The following ACMSD variants were observed in gnomAD, a reference collection of about 807,000 sequenced individuals.
ACMSD encodes aminocarboxymuconate semialdehyde decarboxylase, also known as 2-amino-3-carboxymuconate-6-semialdehyde decarboxylase.
In ACMSD, 37 loss-of-function variants were observed where a neutral mutation model predicts 45.9. The ratio of observed to expected loss-of-function variants is 0.81; its 90% CI spans 0.62 to 1.06. ACMSD has a LOEUF of 1.06. Among genes scored for constraint, ACMSD ranks in the 50% least tolerant of loss-of-function variants. ACMSD has a pLI of 0.00. For missense variants in ACMSD, 434 were observed against 420.9 expected (o/e 1.03, Z -0.27); for synonymous variants, 138 against 148.8 (o/e 0.93, Z 0.53).
rs559158918 is a variant in ACMSD at position 134,889,069 on chromosome 2, T to C, written c.850-9272T>C. Among the ~76,000 whole-genome samples the C allele has an allele frequency of 1.1e-4, 16 of 152,292 alleles. No individual in the cohort carries two copies. The South Asian group carries it at 3.3e-3, about 32-fold the overall frequency. ...TTTTGCAGTGGTGTGGGTTAACAATTCTGAAAATACTTCATGTGCATTCTA... is the reference window on the plus strand; with the variant it reads ...TTTTGCAGTGGTGTGGGTTAACAATCCTGAAAATACTTCATGTGCATTCTA... On this transcript the variant is annotated intron_variant, in intron 8 of 9. Coordinates refer to ENST00000356140, the MANE Select transcript of ACMSD (RefSeq NM_138326.3).
intron 8 of ACMSD, among the ~76,000 whole-genome samples, chr2:134,894,784 G>A (rs886740871): frequency 5.3e-5 from 8 of 152,112 alleles, no homozygotes; most frequent in South Asian, 4.1e-4. Flanking sequence ...GATTGGAAGA[G>A]AAGGAAAAAA....
chr2:134,885,303 T>TAGATG (rs1559064787), intron 8 of ACMSD, among the ~76,000 whole-genome samples: 1 of 102,610 alleles, frequency 9.7e-6, no homozygotes, highest in South Asian at 2.4e-4. Flanking sequence ...ATATATATAT[T>TAGATG]TAAATATATA....
chr2:134,854,608 T>G (rs576297036), intron 2 of ACMSD, among the ~76,000 whole-genome samples: 1 of 152,338 alleles, frequency 6.6e-6, no homozygotes, highest in African/African-American at 2.4e-5. Flanking sequence ...CACTTCCAGG[T>G]CAAAGTTATA....
chr2:134,895,316 A>AAAATATATATGTTACATATATAATAT (rs1559071275), intron 8 of ACMSD, among the ~76,000 whole-genome samples: 5 of 49,208 alleles, frequency 1.0e-4, no homozygotes, highest in African/African-American at 4.4e-4. Context: ...AAAGAAAAAA[A>AAAATATATATGTTACATATATAATAT]ATATATATAT....
At chr2:134,864,310 A>G (rs1453745797) in intron 5 of ACMSD, among the ~76,000 whole-genome samples, 1 of 151,992 alleles carries the variant, frequency 6.6e-6, no homozygotes, top group African/African-American at 2.4e-5. Context: ...AATACTAAAC[A>G]TTTTTCAAAA....
chr2:134,888,178 A>G (rs1370114639), intron 8 of ACMSD, among the ~76,000 whole-genome samples: 1 of 152,232 alleles, frequency 6.6e-6, no homozygotes, highest in East Asian at 1.9e-4. Flanking sequence ...CTCATGATGA[A>G]AAGTCCAACA....
chr2:134,889,014 A>T (rs1689622637), intron 8 of ACMSD, among the ~76,000 whole-genome samples: 1 of 152,218 alleles, frequency 6.6e-6, no homozygotes, highest in South Asian at 2.1e-4. Context: ...CTTTTAAAAA[A>T]GACATTGAAT....
intron 4 of ACMSD, chr2:134,863,016 G>T (rs963038216): frequency 1.1e-4 from 112 of 985,194 alleles, no homozygotes; most frequent in Non-Finnish European, 1.3e-4. Flanking sequence ...TGCCTTGATG[G>T]TGGCCTGGGG....
intron 5 of ACMSD, among the ~76,000 whole-genome samples, chr2:134,863,931 A>G (rs931092449): frequency 6.6e-6 from 1 of 152,120 alleles, no homozygotes; most frequent in African/African-American, 2.4e-5. Context: ...TACCCTCTTT[A>G]CAGCCACTGT....
chr2:134,852,558 T>C (rs1481607257), intron 2 of ACMSD, among the ~76,000 whole-genome samples: 3 of 152,092 alleles, frequency 2.0e-5, no homozygotes, highest in Non-Finnish European at 2.9e-5. Flanking sequence ...TAACGTAGGC[T>C]TGAAGGATAG....
At chr2:134,854,282 A>G (rs980587294) in intron 2 of ACMSD, among the ~76,000 whole-genome samples, 18 of 152,212 alleles carry the variant, frequency 1.2e-4, no homozygotes, top group Non-Finnish European at 2.2e-4. Flanking sequence ...TTTATCACTC[A>G]GTGTTCTTAA....
In ACMSD at chr2:134,898,406, A is replaced by G; in HGVS notation, c.915A>G (p.Ile305Met). 3.1e-6 allele frequency: 5 copies of G among 1,602,342 alleles called. No homozygotes were observed. The highest frequency in any genetic ancestry group is 4.3e-6 in the Non-Finnish European group (5 of 1,175,116). Residue 305 changes from isoleucine (I) to methionine (M), a missense_variant, in exon 9 of 10, where the codon ATA (isoleucine) becomes ATG (methionine). Transcript: ENST00000356140. ...GTGAGCTGGAACCTGGGAAACTAAT[A>G]GAGTCCATGGAAGAATTTGATGAAG... ...PLGELEPGKLIESMEEFDEET... is the reference protein window; with the variant it reads ...PLGELEPGKLMESMEEFDEET...
intron 5 of ACMSD, among the ~76,000 whole-genome samples, chr2:134,867,137 G>A (rs909400318): frequency 1.3e-5 from 2 of 152,170 alleles, no homozygotes; most frequent in South Asian, 2.1e-4. Context: ...GGGCACTCTC[G>A]CCCTGACTCC....
At position 134,863,582 on chromosome 2, in the gene ACMSD, A is replaced by T. The variant is rs766675227; in HGVS notation, c.437A>T (p.His146Leu). ...TTTCCCGGGGTCCAAATTGGCACCC[A>T]CGTCAACGAGTGGGACCTGAACGCG... ...LGFPGVQIGT[H>L]VNEWDLNAQE... Residue 146 changes from histidine (H) to leucine (L), a missense_variant, in exon 5 of 10, where the codon CAC (histidine) becomes CTC (leucine). Coordinates refer to ENST00000356140, the MANE Select transcript of ACMSD (RefSeq NM_138326.3). 11 of 1,614,204 alleles carry T rather than the reference A, an allele frequency of 6.8e-6. No individual in the cohort carries two copies. Among genetic ancestry groups the T allele is most frequent in the Middle Eastern group, 1.7e-4 (1 of 6,060 alleles).
intron 8 of ACMSD, among the ~76,000 whole-genome samples, chr2:134,892,162 C>A (rs1689824569): frequency 6.6e-6 from 1 of 151,970 alleles, no homozygotes; most frequent in African/African-American, 2.4e-5. Context: ...ACACTAAAAG[C>A]CCAGACTTCA....
At chr2:134,889,748 A>G (rs1195267986) in intron 8 of ACMSD, among the ~76,000 whole-genome samples, 1 of 152,056 alleles carries the variant, frequency 6.6e-6, no homozygotes, top group Non-Finnish European at 1.5e-5. Flanking sequence ...AACTGTACTC[A>G]AAGAATGGTG....
intron 5 of ACMSD, 57 bp from the exon 6 acceptor site, chr2:134,867,522 G>C: frequency 7.3e-7 from 1 of 1,362,040 alleles, no homozygotes; most frequent in Non-Finnish European, 1.1e-6. Context: ...AACAGTACCT[G>C]GTATCTGCTC....
At chr2:134,891,667 T>C (rs1302978751) in intron 8 of ACMSD, among the ~76,000 whole-genome samples, 1 of 152,140 alleles carries the variant, frequency 6.6e-6, no homozygotes, top group Non-Finnish European at 1.5e-5. Context: ...TGGAAAACAG[T>C]ATTGAAATTT....
chr2:134,846,434 C>T (rs1420907008), intron 2 of ACMSD, among the ~76,000 whole-genome samples: 2 of 152,122 alleles, frequency 1.3e-5, no homozygotes, highest in Non-Finnish European at 2.9e-5. Context: ...GACAAAGTCT[C>T]GCTCTATTGC....
Sources: gnomAD v4.1 joint callset for allele counts (sites outside exome capture counted in the v4.1 genomes callset) on GRCh38, gnomAD v4.1.1 for gene constraint, MANE v1.5 for transcripts, NCBI Gene and HGNC (gene_info 2026-07-23, HGNC 2026-07-21) for gene names.